The following DIS3L2 variants were observed in gnomAD, a reference collection of about 807,000 sequenced individuals.
DIS3L2 encodes the protein DIS3 like 3'-5' exoribonuclease 2, also known as DIS3-like exonuclease 2.
In DIS3L2, 34 loss-of-function variants were observed where a neutral mutation model predicts 97.5. The ratio of observed to expected loss-of-function variants is 0.35; its 90% CI spans 0.27 to 0.46. DIS3L2 has a LOEUF of 0.46. DIS3L2 is among the 20% of genes least tolerant of loss of function. The pLI, the probability that DIS3L2 is intolerant of heterozygous loss-of-function variation, is 1.00. For synonymous variants in DIS3L2, 435 were observed against 445.2 expected (o/e 0.98, Z 0.29); for missense variants, 1,038 against 1,146.0 (o/e 0.91, Z 1.36).
intron 13 of DIS3L2, among the ~76,000 whole-genome samples, chr2:232,342,459 C>G (rs74712634): frequency 0.02 from 2,973 of 152,152 alleles, 104 homozygotes; most frequent in African/African-American, 0.069. Flanking sequence ...TTTTAACAAA[C>G]CTTGTAGATC....
chr2:232,009,902 T>C (rs529090424), intron 1 of DIS3L2, among the ~76,000 whole-genome samples: 1 of 152,342 alleles, frequency 6.6e-6, no homozygotes, highest in South Asian at 2.1e-4. Context: ...TCCCTCCTTT[T>C]TTGCCCTTGA....
At chr2:232,155,232 CCTT>C (rs10603650) in intron 8 of DIS3L2, among the ~76,000 whole-genome samples, 118,236 of 151,550 alleles carry the variant, frequency 0.78, 46,685 homozygotes, top group African/African-American at 0.89. Flanking sequence ...CCTCCCCCCT[CCTT>C]AATTTTCTAA....
At chr2:232,121,388 C>T (rs1213953982) in intron 6 of DIS3L2, among the ~76,000 whole-genome samples, 1 of 152,138 alleles carries the variant, frequency 6.6e-6, no homozygotes, top group Non-Finnish European at 1.5e-5. Flanking sequence ...CTATTCTGTC[C>T]TAGGTTCTCT....
chr2:232,051,527 C>A (rs1695398306), intron 5 of DIS3L2, among the ~76,000 whole-genome samples: 2 of 152,078 alleles, frequency 1.3e-5, no homozygotes, highest in Non-Finnish European at 2.9e-5. Flanking sequence ...TAAGAACTAG[C>A]TTCGGCTGGG....
At chr2:232,050,444 A>AT (rs766372087) in intron 5 of DIS3L2, among the ~76,000 whole-genome samples, 2,456 of 136,466 alleles carry the variant, frequency 0.018, 25 homozygotes, top group African/African-American at 0.022. Context: ...TAATCTTTGT[A>AT]TTTTTTTTTT....
chr2:232,071,363 T>TA (rs1161622478), intron 5 of DIS3L2, among the ~76,000 whole-genome samples: 2 of 151,378 alleles, frequency 1.3e-5, no homozygotes. Flanking sequence ...CTACAAAAAA[T>TA]AAAGAAAAGG....
intron 6 of DIS3L2, among the ~76,000 whole-genome samples, chr2:232,119,526 T>A (rs1205205538): frequency 6.6e-6 from 1 of 152,200 alleles, no homozygotes; most frequent in Non-Finnish European, 1.5e-5. Flanking sequence ...AGCATATAAG[T>A]GTATGTACCT....
At chr2:231,967,160 G>C (rs1416566260) in intron 1 of DIS3L2, among the ~76,000 whole-genome samples, 3 of 152,196 alleles carry the variant, frequency 2.0e-5, no homozygotes, top group Non-Finnish European at 4.4e-5. Context: ...CATGAGGGGA[G>C]AAGGGCTGAT....
intron 6 of DIS3L2, among the ~76,000 whole-genome samples, chr2:232,104,362 T>C (rs1470918808): frequency 1.3e-5 from 2 of 152,296 alleles, no homozygotes; most frequent in East Asian, 3.9e-4. Context: ...TATCAAACTG[T>C]CCCCTGCCCT....
At chr2:232,097,642 G>C (rs1025424778) in intron 6 of DIS3L2, among the ~76,000 whole-genome samples, 1 of 152,136 alleles carries the variant, frequency 6.6e-6, no homozygotes, top group Non-Finnish European at 1.5e-5. Flanking sequence ...CCTTCAAAGT[G>C]GTGGGCTCCC....
At chr2:232,091,331 C>T (rs1696831504) in intron 6 of DIS3L2, among the ~76,000 whole-genome samples, 1 of 152,196 alleles carries the variant, frequency 6.6e-6, no homozygotes. Flanking sequence ...CCCTGGTAAT[C>T]ATCCTTCTAC....
chr2:232,284,244 G>C (rs1257534130), intron 13 of DIS3L2, among the ~76,000 whole-genome samples: 1 of 152,144 alleles, frequency 6.6e-6, no homozygotes, highest in African/African-American at 2.4e-5. Flanking sequence ...GTGAGCTTAG[G>C]CTCTCTCGAC....
intron 12 of DIS3L2, among the ~76,000 whole-genome samples, chr2:232,256,872 C>T (rs942563686): frequency 6.6e-6 from 1 of 152,038 alleles, no homozygotes; most frequent in Admixed American, 6.5e-5. Flanking sequence ...AATCTCAGCA[C>T]TTTGGGAGGC....
Position 232,014,803 on chromosome 2 carries a change from C to T in DIS3L2, c.-93-32C>T, listed in dbSNP as rs533740964. The T allele has an allele frequency of 1.1e-5, 11 of 1,017,614 alleles. No homozygotes were observed. The African/African-American group carries it at 1.6e-4, about 15-fold the overall frequency. The allele number at this position is 1,017,614 out of a possible 1,614,324, so 63.0% of individuals were successfully genotyped here. ...GACAGAGGAGGCTACAGCTTAACCG[C>T]TCTCCAATTACCAATCTCTTCTTGG... On this transcript the variant is annotated intron_variant, in intron 1 of 20. Coordinates refer to ENST00000325385, the MANE Select transcript of DIS3L2 (RefSeq NM_152383.5).
chr2:232,287,384 CCG>C (rs1559193697), intron 13 of DIS3L2, among the ~76,000 whole-genome samples: 10 of 35,352 alleles, frequency 2.8e-4, no homozygotes, highest in Non-Finnish European at 3.7e-4. Context: ...TTCCTTCCCC[CCG>C]CGCCCCCCCC....
chr2:232,049,638 G>GAC (rs1695346423), intron 5 of DIS3L2, among the ~76,000 whole-genome samples: 2 of 152,174 alleles, frequency 1.3e-5, no homozygotes, highest in Admixed American at 1.3e-4. Flanking sequence ...GAAAACCTGA[G>GAC]ACACAGGTTT....
At chr2:232,076,663 G>A (rs1696195935) in intron 5 of DIS3L2, among the ~76,000 whole-genome samples, 1 of 152,020 alleles carries the variant, frequency 6.6e-6, no homozygotes, top group Non-Finnish European at 1.5e-5. Context: ...TTCTGGATAT[G>A]AGCTCCTCTG....
chr2:232,022,353 T>C (rs1054608281), intron 3 of DIS3L2, among the ~76,000 whole-genome samples: 2 of 152,188 alleles, frequency 1.3e-5, no homozygotes, highest in Non-Finnish European at 2.9e-5. Context: ...AAGTTTGGGA[T>C]AGAGAATCAA....
chr2:231,969,528 G>A (rs1014619918), intron 1 of DIS3L2, among the ~76,000 whole-genome samples: 8 of 151,980 alleles, frequency 5.3e-5, no homozygotes, highest in East Asian at 1.9e-4. Flanking sequence ...CCAGGCCAGC[G>A]TCAAACTCCT....
Sources: gnomAD v4.1 joint callset for allele counts (sites outside exome capture counted in the v4.1 genomes callset) on GRCh38, gnomAD v4.1.1 for gene constraint, MANE v1.5 for transcripts, NCBI Gene and HGNC (gene_info 2026-07-23, HGNC 2026-07-21) for gene names.